Variants in ARSJ observed in about 807,000 individuals in gnomAD.
The protein encoded by ARSJ is arylsulfatase J.
In ARSJ, 26 loss-of-function variants were observed where a neutral mutation model predicts 35.9. The ratio of observed to expected loss-of-function variants is 0.72; its 90% CI spans 0.53 to 1.00. The LOEUF (loss-of-function observed/expected upper bound fraction) is 1.00, where lower values mean the gene tolerates loss of function less well. Ranked by LOEUF, ARSJ falls within the 50% of genes least tolerant of loss-of-function variation. The pLI is 0.00. For synonymous variants in ARSJ, 294 were observed against 267.6 expected, an observed-to-expected ratio of 1.10 and a Z score of -0.96; for missense variants, 667 against 723.6, an observed-to-expected ratio of 0.92 and a Z score of 0.90.
At chr4:113,967,062 A>G (rs555553773) in intron 1 of ARSJ, among the ~76,000 whole-genome samples, 1 of 152,288 alleles carries the variant, frequency 6.6e-6, no homozygotes, top group Admixed American at 6.5e-5. Flanking sequence ...GGTGTGGGTG[A>G]TAGGATAGAG....
At chr4:113,965,125 C>A (rs1726811182) in intron 1 of ARSJ, among the ~76,000 whole-genome samples, 1 of 151,992 alleles carries the variant, frequency 6.6e-6, no homozygotes, top group Non-Finnish European at 1.5e-5. Flanking sequence ...ATAAGAGAAA[C>A]ATAGTTTGAT....
Position 113,903,195 on chromosome 4 carries a change from A to G in ARSJ, c.879T>C (p.Tyr293=). The G allele has an allele frequency of 6.2e-7, 1 of 1,614,224 alleles. No homozygotes were observed. Among genetic ancestry groups the G allele is most frequent in the Non-Finnish European group, 8.5e-7 (1 of 1,180,024 alleles). The part of the protein sequence containing the change: ...RSIININRRR[Y]AAMLSCLDEA... ...CATCTAAGCAGGAAAGCATGGCAGC[A>G]TATCTCCTCCTGTTTATGTTGATAA... Residue 293 remains tyrosine, a synonymous_variant, in exon 2 of 2, where the codon TAT becomes TAC. Transcript: ENST00000315366.
At chr4:113,947,626 GGAAA>G (rs1725582097) in intron 1 of ARSJ, among the ~76,000 whole-genome samples, 1 of 149,162 alleles carries the variant, frequency 6.7e-6, no homozygotes, top group East Asian at 2.0e-4. Flanking sequence ...AGGAAGGAAG[GGAAA>G]GGAAGGAAGG....
chr4:113,928,828 C>A (rs952988870), intron 1 of ARSJ, among the ~76,000 whole-genome samples: 1 of 152,120 alleles, frequency 6.6e-6, no homozygotes, highest in African/African-American at 2.4e-5. Flanking sequence ...AAGGGTATGT[C>A]TTCTGGACCC....
At chr4:113,929,868 G>A (rs1341986614) in intron 1 of ARSJ, among the ~76,000 whole-genome samples, 2 of 152,044 alleles carry the variant, frequency 1.3e-5, no homozygotes, top group Admixed American at 6.6e-5. Flanking sequence ...TATGGTCAAA[G>A]GTATTATGTA....
Position 113,975,305 on chromosome 4 carries a change from A to G in ARSJ, c.398+3132T>C, listed in dbSNP as rs1438215909. On this transcript the variant is annotated intron_variant, in intron 1 of 1. Coordinates refer to ENST00000315366, the MANE Select transcript of ARSJ (RefSeq NM_024590.4). Reference sequence around the variant, plus strand: ...ATAAATGAGTAACAAAATAGTAAAAACACAAAATTACTATCAAAGATACAA... The same window carrying G: ...ATAAATGAGTAACAAAATAGTAAAAGCACAAAATTACTATCAAAGATACAA... 2.0e-5 allele frequency among the ~76,000 whole-genome samples: 3 copies of G among 152,222 alleles called. No homozygotes were observed. In the East Asian group the frequency reaches 5.8e-4, roughly 29 times the overall value.
In ARSJ at chr4:113,938,539, A is replaced by G. The variant is rs181033672; in HGVS notation, c.399-34864T>C. On this transcript the variant is annotated intron_variant, in intron 1 of 1. Transcript: ENST00000315366. The stretch of plus-strand genomic sequence containing the variant: ...GCAACAAAAGCAAAAATTGACAAAT[A>G]GAATCTAAGTAAAATAAAGAGCTTC... Among the ~76,000 whole-genome samples, 78 of 152,024 alleles carry G rather than the reference A, an allele frequency of 5.1e-4. 1 individual carries two copies. Among genetic ancestry groups the G allele is most frequent in the African/African-American group, 1.6e-3 (65 of 41,544 alleles).
At position 113,978,814 on chromosome 4, in the gene ARSJ, C is replaced by G. The variant is rs1430208819; in HGVS notation, c.21G>C (p.Ala7=). The G allele has an allele frequency of 1.2e-6, 2 of 1,609,022 alleles. No homozygotes were observed. The highest frequency in any genetic ancestry group is 1.3e-5 in the African/African-American group (1 of 74,804). MAPRGC[A]GHPPPPSPQA... ...GTGGAGAAGGCGGAGGCGGATGCCC[C>G]GCACAGCCCCTGGGAGCCATTCACT... The change falls in exon 1 of 2, where the codon GCG becomes GCC. Residue 7 remains alanine, a synonymous_variant. Transcript: ENST00000315366.
intron 1 of ARSJ, among the ~76,000 whole-genome samples, chr4:113,957,338 A>C (rs1726245335): frequency 6.6e-6 from 1 of 152,086 alleles, no homozygotes; most frequent in Non-Finnish European, 1.5e-5. Flanking sequence ...CTTCTTTTAA[A>C]AAACTTAATT....
At chr4:113,905,402 T>C (rs1462947757) in intron 1 of ARSJ, among the ~76,000 whole-genome samples, 2 of 152,154 alleles carry the variant, frequency 1.3e-5, no homozygotes, top group African/African-American at 2.4e-5. Context: ...GTTTTAATGA[T>C]AGCATGATGA....
intron 1 of ARSJ, among the ~76,000 whole-genome samples, chr4:113,908,572 T>C (rs1402784076): frequency 2.8e-5 from 3 of 106,612 alleles, no homozygotes; most frequent in Non-Finnish European, 5.9e-5. Context: ...ATGAGAGCTA[T>C]AGTTGTAATT....
At chr4:113,922,233 G>A (rs1048589172) in intron 1 of ARSJ, among the ~76,000 whole-genome samples, 1 of 152,080 alleles carries the variant, frequency 6.6e-6, no homozygotes, top group Non-Finnish European at 1.5e-5. Flanking sequence ...GCTGAAATTC[G>A]TGGTGTGAAA....
At chr4:113,907,022 A>T (rs1277051222) in intron 1 of ARSJ, among the ~76,000 whole-genome samples, 1 of 152,214 alleles carries the variant, frequency 6.6e-6, no homozygotes, top group East Asian at 1.9e-4. Context: ...TTTTCTCCCC[A>T]GCACCCTCAA....
chr4:113,956,706 C>T (rs1726201309), intron 1 of ARSJ, among the ~76,000 whole-genome samples: 1 of 152,034 alleles, frequency 6.6e-6, no homozygotes, highest in Non-Finnish European at 1.5e-5. Flanking sequence ...AGGAGCAGCT[C>T]ACGCAATGGC....
intron 1 of ARSJ, among the ~76,000 whole-genome samples, chr4:113,922,194 T>A (rs1403249127): frequency 1.3e-5 from 2 of 152,196 alleles, no homozygotes. Context: ...TATGCCTTAG[T>A]CAAAGATATT....
intron 1 of ARSJ, among the ~76,000 whole-genome samples, chr4:113,974,540 T>C (rs1309595125): frequency 6.6e-6 from 1 of 152,156 alleles, no homozygotes; most frequent in Non-Finnish European, 1.5e-5. Context: ...TTAAAGGGGA[T>C]ATAAAATGGG....
Position 113,939,019 on chromosome 4 carries a change from A to G in ARSJ, c.399-35344T>C, listed in dbSNP as rs549279574. ...GCTGGTGTGCTGCACCCATTAACTC[A>G]TCATTTAGCATTAGGTATATCTCCT... On this transcript the variant is annotated intron_variant, in intron 1 of 1. Coordinates refer to ENST00000315366, the MANE Select transcript of ARSJ (RefSeq NM_024590.4). 4.4e-3 allele frequency among the ~76,000 whole-genome samples: 664 copies of G among 149,984 alleles called. 5 individuals are homozygous for G. Among genetic ancestry groups the G allele is most frequent in the African/African-American group, 0.016 (643 of 40,904 alleles).
At chr4:113,937,950 G>A (rs1724874445) in intron 1 of ARSJ, among the ~76,000 whole-genome samples, 1 of 151,890 alleles carries the variant, frequency 6.6e-6, no homozygotes, top group Non-Finnish European at 1.5e-5. Flanking sequence ...ATATGAAAAT[G>A]GCCATACTGA....
At chr4:113,958,625 C>G (rs17621017) in intron 1 of ARSJ, among the ~76,000 whole-genome samples, 31,297 of 151,672 alleles carry the variant, frequency 0.21, 3,690 homozygotes, top group Middle Eastern at 0.33. Flanking sequence ...TGACTTTAGC[C>G]GATACATATA....
Sources: gnomAD v4.1 joint callset for allele counts (sites outside exome capture counted in the v4.1 genomes callset) on GRCh38, gnomAD v4.1.1 for gene constraint, MANE v1.5 for transcripts, NCBI Gene and HGNC (gene_info 2026-07-23, HGNC 2026-07-21) for gene names.